Variants in MAGI2 observed in about 807,000 individuals in gnomAD.
The protein encoded by MAGI2 is membrane-associated guanylate kinase, WW and PDZ domain-containing protein 2.
In MAGI2, 35 loss-of-function variants were observed where a neutral mutation model predicts 133.3. The ratio of observed to expected loss-of-function variants is 0.26; its 90% CI spans 0.20 to 0.35. The LOEUF is 0.35. Ranked by LOEUF, MAGI2 falls within the 10% of genes least tolerant of loss-of-function variation. MAGI2 has a pLI of 1.00. For missense variants in MAGI2, 1,636 were observed against 1,863.4 expected, an observed-to-expected ratio of 0.88 and a Z score of 2.25; for synonymous variants, 729 against 710.6, an observed-to-expected ratio of 1.03 and a Z score of -0.41.
chr7:79,158,574 T>C (rs1232377285), intron 1 of MAGI2, among the ~76,000 whole-genome samples: 5 of 152,062 alleles, frequency 3.3e-5, no homozygotes, highest in Non-Finnish European at 5.9e-5. Flanking sequence ...AGAAAGCCCA[T>C]CCGAAAACAG....
At chr7:78,955,149 T>G (rs1197580861) in intron 2 of MAGI2, among the ~76,000 whole-genome samples, 1 of 152,138 alleles carries the variant, frequency 6.6e-6, no homozygotes, top group African/African-American at 2.4e-5. Flanking sequence ...ATGAGACCAT[T>G]TCATAATGAC....
At chr7:78,050,643 G>A (rs1189233452) in intron 21 of MAGI2, among the ~76,000 whole-genome samples, 4 of 152,042 alleles carry the variant, frequency 2.6e-5, no homozygotes, top group African/African-American at 9.7e-5. Flanking sequence ...AGGTTAGGCT[G>A]GTCAGAAATG....
At chr7:78,712,656 G>T (rs1408328483) in intron 2 of MAGI2, among the ~76,000 whole-genome samples, 1 of 152,026 alleles carries the variant, frequency 6.6e-6, no homozygotes, top group Admixed American at 6.6e-5. Context: ...CATTTTAGTT[G>T]GTAAAGTCAG....
chr7:78,681,364 C>A (rs577929971), intron 2 of MAGI2, among the ~76,000 whole-genome samples: 60 of 152,200 alleles, frequency 3.9e-4, no homozygotes, highest in African/African-American at 1.3e-3. Flanking sequence ...CTGTTATAAG[C>A]CATAAAGAAA....
intron 9 of MAGI2, among the ~76,000 whole-genome samples, chr7:78,280,198 T>G (rs1000434136): frequency 3.9e-5 from 6 of 152,090 alleles, no homozygotes; most frequent in African/African-American, 1.2e-4. Flanking sequence ...ACTCATGGCA[T>G]GGGGAAGCTA....
At chr7:78,662,382 C>T (rs1161738578) in intron 2 of MAGI2, among the ~76,000 whole-genome samples, 2 of 152,114 alleles carry the variant, frequency 1.3e-5, no homozygotes, top group Non-Finnish European at 2.9e-5. Flanking sequence ...GTTGCTTTTG[C>T]CTCAAATACT....
At chr7:78,368,594 G>C (rs1254130922) in intron 7 of MAGI2, among the ~76,000 whole-genome samples, 6 of 151,958 alleles carry the variant, frequency 3.9e-5, no homozygotes, top group Non-Finnish European at 7.4e-5. Flanking sequence ...ACCCTGAATA[G>C]TGTATTTGTT....
At chr7:78,151,439 G>T (rs1240637257) in intron 16 of MAGI2, among the ~76,000 whole-genome samples, 1 of 152,194 alleles carries the variant, frequency 6.6e-6, no homozygotes, top group Non-Finnish European at 1.5e-5. Flanking sequence ...ACGGTTCCAA[G>T]GGTTGGTTCC....
chr7:79,188,045 G>C (rs566066706), intron 1 of MAGI2, among the ~76,000 whole-genome samples: 2 of 152,004 alleles, frequency 1.3e-5, no homozygotes, highest in Non-Finnish European at 2.9e-5. Context: ...CAAGACATTA[G>C]TTGTTGTCTC....
At chr7:78,645,737 C>CTT (rs541719231) in intron 2 of MAGI2, among the ~76,000 whole-genome samples, 2 of 139,060 alleles carry the variant, frequency 1.4e-5, no homozygotes, top group African/African-American at 5.3e-5. Context: ...AATAGCAAAA[C>CTT]TTTTTTTTTT....
chr7:78,154,945 G>C (rs1824244955), intron 16 of MAGI2, among the ~76,000 whole-genome samples: 1 of 152,108 alleles, frequency 6.6e-6, no homozygotes, highest in Admixed American at 6.6e-5. Context: ...TGAGTCATAG[G>C]CTACCTGAGT....
At chr7:79,286,685 C>T (rs546654569) in intron 1 of MAGI2, among the ~76,000 whole-genome samples, 1 of 152,044 alleles carries the variant, frequency 6.6e-6, no homozygotes, top group East Asian at 1.9e-4. Context: ...TTGTTGAGGG[C>T]TAAAAAACAA....
At chr7:78,220,723 C>T (rs1408810454) in intron 10 of MAGI2, among the ~76,000 whole-genome samples, 4 of 152,094 alleles carry the variant, frequency 2.6e-5, no homozygotes, top group Non-Finnish European at 5.9e-5. Flanking sequence ...CAAACATTTG[C>T]CCAAACGCAT....
chr7:78,503,510 T>C (rs1794800516), intron 4 of MAGI2, among the ~76,000 whole-genome samples: 1 of 145,642 alleles, frequency 6.9e-6, no homozygotes, highest in Middle Eastern at 3.3e-3. Flanking sequence ...CGAGATCTGA[T>C]GGTTTTATAA....
intron 1 of MAGI2, among the ~76,000 whole-genome samples, chr7:79,360,998 T>C (rs964372200): frequency 3.9e-5 from 6 of 151,958 alleles, no homozygotes; most frequent in Admixed American, 2.0e-4. Context: ...AAAACATAGA[T>C]AGATGAAAGT....
At chr7:78,970,608 A>G (rs1015324253) in intron 2 of MAGI2, among the ~76,000 whole-genome samples, 1 of 152,024 alleles carries the variant, frequency 6.6e-6, no homozygotes, top group Non-Finnish European at 1.5e-5. Flanking sequence ...TTACATTGGC[A>G]AAGGATAAAG....
intron 1 of MAGI2, among the ~76,000 whole-genome samples, chr7:79,429,447 C>A (rs889748654): frequency 4.6e-5 from 7 of 151,960 alleles, no homozygotes; most frequent in Admixed American, 2.0e-4. Context: ...GGATTTCAGG[C>A]GTGTGCCACC....
intron 2 of MAGI2, among the ~76,000 whole-genome samples, chr7:78,714,670 G>A (rs1380575323): frequency 6.6e-6 from 1 of 152,136 alleles, no homozygotes; most frequent in African/African-American, 2.4e-5. Flanking sequence ...ACCATGCACT[G>A]TCAGCAAATA....
intron 1 of MAGI2, among the ~76,000 whole-genome samples, chr7:79,127,861 C>A (rs928949598): frequency 2.0e-5 from 3 of 152,118 alleles, no homozygotes; most frequent in African/African-American, 2.4e-5. Context: ...GTTTTAGACA[C>A]GAAGTCCTTG....
Sources: gnomAD v4.1 joint callset for allele counts (sites outside exome capture counted in the v4.1 genomes callset) on GRCh38, gnomAD v4.1.1 for gene constraint, MANE v1.5 for transcripts, NCBI Gene and HGNC (gene_info 2026-07-23, HGNC 2026-07-21) for gene names.